Variants in PABIR3 observed in about 807,000 individuals in gnomAD.
PABIR3 encodes the protein PABIR family member 1.
Under a neutral mutation model 23.1 loss-of-function variants are expected in PABIR3, and 20 were observed. That is an observed-to-expected ratio of 0.86 (90% CI 0.61 to 1.26). PABIR3 has a LOEUF of 1.26. Among genes scored for constraint, PABIR3 ranks in the 50% most tolerant of loss-of-function variants. The pLI, the probability that PABIR3 is intolerant of heterozygous loss-of-function variation, is 0.00. For synonymous variants in PABIR3, 69 were observed against 68.5 expected, an observed-to-expected ratio of 1.01 and a Z score of -0.04; for missense variants, 189 against 195.4, an observed-to-expected ratio of 0.97 and a Z score of 0.20.
downstream of PABIR3, among the ~76,000 whole-genome samples, chrX:134,859,706 C>T (rs1166656316): frequency 2.7e-5 from 3 of 112,003 alleles, no homozygotes; most frequent in African/African-American, 9.7e-5. Context: ...AGTAAAAGAG[C>T]TTTTTCTTTT....
intron 1 of PABIR3, among the ~76,000 whole-genome samples, chrX:134,800,229 A>T (rs1445153149): frequency 9.5e-6 from 1 of 105,580 alleles, no homozygotes; most frequent in Non-Finnish European, 1.9e-5. Flanking sequence ...TGAACCCGGG[A>T]GGTGGAGGTT....
chrX:134,847,804 T>C, intron 7 of PABIR3, 79 bp from the exon 8 acceptor site: 1 of 816,244 alleles, frequency 1.2e-6, no homozygotes, highest in Non-Finnish European at 1.8e-6. Flanking sequence ...CTACCATCCC[T>C]GCCCCTCCCT....
intron 4 of PABIR3, among the ~76,000 whole-genome samples, chrX:134,839,765 C>A (rs1309650329): frequency 9.1e-6 from 1 of 109,456 alleles, no homozygotes; most frequent in African/African-American, 3.3e-5. Context: ...CCCGGCCAGC[C>A]GCCTCGTCCG....
At chrX:134,852,961 T>A in intron 10 of PABIR3, 65 bp downstream of exon 10, 1 of 742,884 alleles carries the variant, frequency 1.3e-6, no homozygotes, top group Non-Finnish European at 1.9e-6. Context: ...AAGTCTACTT[T>A]GGCTATTGTA....
At chrX:134,839,963 G>A (rs1177496835) in intron 4 of PABIR3, among the ~76,000 whole-genome samples, 1 of 112,189 alleles carries the variant, frequency 8.9e-6, no homozygotes, top group Admixed American at 9.4e-5. Context: ...GATGGTTGCC[G>A]TGTCTGTGTA....
In PABIR3 at chrX:134,807,566, G is replaced by C. The variant is rs755090654; in HGVS notation, c.-33G>C. The C allele has an allele frequency of 4.1e-5, 49 of 1,207,237 alleles. No individual in the cohort carries two copies. The highest frequency in any genetic ancestry group is 5.5e-5 in the Non-Finnish European group (49 of 893,608). ...CTTGTCCTTGTGTGGACGGGAGCCG[G>C]AAAGCCTTGAGAACTTATTCCTCGA... is the stretch of plus-strand genomic sequence containing the variant. On this transcript the variant is annotated 5_prime_UTR_variant, in exon 2 of 11. Coordinates refer to ENST00000645433, the MANE Select transcript of PABIR3 (RefSeq NM_001388447.1).
At chrX:134,849,652 A>G (rs1270817810) in intron 9 of PABIR3, among the ~76,000 whole-genome samples, 5 of 110,861 alleles carry the variant, frequency 4.5e-5, no homozygotes, top group Non-Finnish European at 9.4e-5. Context: ...AGATCCACTT[A>G]CAACACTAAA....
chrX:134,828,403 T>G (rs1160234959), intron 3 of PABIR3, among the ~76,000 whole-genome samples: 1 of 111,529 alleles, frequency 9.0e-6, no homozygotes, highest in East Asian at 2.8e-4. Context: ...ATTCAATATT[T>G]TGAATGTACA....
At chrX:134,845,638 C>T (rs1191594724) in intron 6 of PABIR3, among the ~76,000 whole-genome samples, 1 of 111,748 alleles carries the variant, frequency 8.9e-6, no homozygotes, top group Non-Finnish European at 1.9e-5. Context: ...CGTCCTGCCT[C>T]AACCTCCCAA....
Position 134,801,228 on chromosome X carries a change from AT to A in PABIR3, c.-97-2871del, listed in dbSNP as rs753029989. On this transcript the variant is annotated intron_variant, in intron 1 of 4. Transcript: ENST00000414371. ...CCATTTTCTTTTCATGGTGCACTCAATTCCAATAGTGACTCAATCTAAATAA... is the reference window on the plus strand; with the variant it reads ...CCATTTTCTTTTCATGGTGCACTCAATCCAATAGTGACTCAATCTAAATAA... Among the ~76,000 whole-genome samples the A allele has an allele frequency of 5.9e-4, 66 of 112,564 alleles. No individual in the cohort carries two copies. In the East Asian group the frequency reaches 0.017, roughly 29 times the overall value.
chrX:134,813,972 GT>G (rs746765171), intron 2 of PABIR3, among the ~76,000 whole-genome samples: 265 of 96,731 alleles, frequency 2.7e-3, no homozygotes, highest in Middle Eastern at 5.2e-3. Context: ...GAATCTGGGT[GT>G]TTTTTTTTTT....
At chrX:134,832,015 C>T (rs766667141) in intron 4 of PABIR3, among the ~76,000 whole-genome samples, 4 of 111,476 alleles carry the variant, frequency 3.6e-5, no homozygotes, top group East Asian at 2.8e-4. Context: ...CAGTGGCTCA[C>T]GCCTGTATTC....
chrX:134,824,598 G>A (rs769072916), intron 3 of PABIR3, among the ~76,000 whole-genome samples: 39 of 111,711 alleles, frequency 3.5e-4, no homozygotes, highest in Non-Finnish European at 5.6e-4. Flanking sequence ...CCAGGAGTTC[G>A]AGACCAGTCT....
intron 3 of PABIR3, among the ~76,000 whole-genome samples, chrX:134,815,408 G>A (rs2080918868): frequency 9.0e-6 from 1 of 111,647 alleles, no homozygotes; most frequent in African/African-American, 3.3e-5. Flanking sequence ...AAGCCAAGGT[G>A]AATACATGAT....
At chrX:134,858,850 G>A (rs1427587336), downstream of PABIR3, among the ~76,000 whole-genome samples, 4 of 111,514 alleles carry the variant, frequency 3.6e-5, no homozygotes, top group African/African-American at 6.5e-5. Flanking sequence ...TAGGAATCCC[G>A]GAAACTTGCT....
intron 4 of PABIR3, among the ~76,000 whole-genome samples, chrX:134,843,447 G>A (rs2082313804): frequency 9.2e-6 from 1 of 108,422 alleles, no homozygotes; most frequent in Non-Finnish European, 1.9e-5. Context: ...TCTTTTGCAT[G>A]TAGAGCTCCA....
At chrX:134,821,408 C>G (rs1275068510) in intron 3 of PABIR3, 4 of 1,155,697 alleles carry the variant, frequency 3.5e-6, no homozygotes, top group Non-Finnish European at 4.6e-6. Flanking sequence ...CCAAATCGCC[C>G]CTTTGCTTTA....
chrX:134,840,161 C>T (rs916863359), intron 4 of PABIR3, among the ~76,000 whole-genome samples: 6 of 111,010 alleles, frequency 5.4e-5, no homozygotes, highest in African/African-American at 2.0e-4. Flanking sequence ...TTGAAGGCAG[C>T]GTGCTCGTTA....
At chrX:134,849,769 G>A (rs1286874282) in intron 9 of PABIR3, among the ~76,000 whole-genome samples, 1 of 108,840 alleles carries the variant, frequency 9.2e-6, no homozygotes, top group East Asian at 2.9e-4. Flanking sequence ...AAAGGGCAGT[G>A]GAAAGAATAA....
Sources: gnomAD v4.1 joint callset for allele counts (sites outside exome capture counted in the v4.1 genomes callset) on GRCh38, gnomAD v4.1.1 for gene constraint, MANE v1.5 for transcripts, NCBI Gene and HGNC (gene_info 2026-07-23, HGNC 2026-07-21) for gene names.